Variants in RCBTB2 observed in about 807,000 individuals in gnomAD.
The protein encoded by RCBTB2 is RCC1 and BTB domain-containing protein 2.
A neutral mutation model predicts 65.4 loss-of-function variants in RCBTB2; 55 were observed. That is an observed-to-expected ratio of 0.84 (90% CI 0.68 to 1.05). The LOEUF (loss-of-function observed/expected upper bound fraction) is 1.05, where lower values mean the gene tolerates loss of function less well. Ranked by LOEUF, RCBTB2 falls within the 50% of genes least tolerant of loss-of-function variation. The probability of loss-of-function intolerance (pLI) is 0.00; values close to 1 mark genes in which losing one functional copy is unlikely to be tolerated. For synonymous variants in RCBTB2, 220 were observed against 255.2 expected, an observed-to-expected ratio of 0.86 and a Z score of 1.31; for missense variants, 599 against 680.1, an observed-to-expected ratio of 0.88 and a Z score of 1.33.
intron 10 of RCBTB2, among the ~76,000 whole-genome samples, chr13:48,509,308 C>G (rs544298130): frequency 6.4e-4 from 97 of 152,266 alleles, no homozygotes; most frequent in African/African-American, 2.2e-3. Flanking sequence ...ACCTGGAAGA[C>G]AGGGAGACTG....
upstream of RCBTB2, chr13:48,535,561 A>T (rs1036667415): frequency 4.7e-6 from 2 of 425,134 alleles, no homozygotes; most frequent in Non-Finnish European, 9.5e-6. Context: ...TGGCCCTCCT[A>T]TTCATTCTTG....
At chr13:48,534,120 C>T (rs1005227342), upstream of RCBTB2, among the ~76,000 whole-genome samples, 6 of 152,070 alleles carry the variant, frequency 3.9e-5, no homozygotes, top group Non-Finnish European at 7.3e-5. Flanking sequence ...GAAGGAGGCA[C>T]GCAAAATGGT....
chr13:48,503,119 T>G (rs1156529959), intron 10 of RCBTB2, among the ~76,000 whole-genome samples: 1 of 152,216 alleles, frequency 6.6e-6, no homozygotes, highest in Non-Finnish European at 1.5e-5. Flanking sequence ...TATTTACATT[T>G]AAGCCACACT....
chr13:48,501,749 T>C lies in RCBTB2; in HGVS notation c.1237A>G (p.Lys413Glu). 6.2e-7 allele frequency: 1 copy of C among 1,610,804 alleles called. No individual in the cohort carries two copies. The highest frequency in any genetic ancestry group is 8.5e-7 in the Non-Finnish European group (1 of 1,177,704). The change falls in exon 12 of 15, where the codon AAG (lysine) becomes GAG (glutamate). Residue 413 changes from lysine to glutamate, a missense_variant. Physicochemically the swap from Lys to Glu is moderately conservative, Grantham distance 56. Transcript: ENST00000344532. ...KYIYAHKVLL[K>E]IRCEHFRSSL... ...AAATAAATGATTCCTTACCGAATCT[T>C]GAGAAGGACTTTATGTGCATAAATG... is the stretch of plus-strand genomic sequence containing the variant.
In RCBTB2 at chr13:48,522,378, C is replaced by A; in HGVS notation, c.-94G>T. ...AAGAGCGGACATCAATTCTCAGCTC[C>A]ACAGAAGAATATATGATTTGCTAAG... On this transcript the variant is annotated 5_prime_UTR_variant, in exon 3 of 15. Transcript: ENST00000344532. 1 of 1,485,354 alleles carries A rather than the reference C, an allele frequency of 6.7e-7. No individual in the cohort carries two copies. The highest frequency in any genetic ancestry group is 9.1e-7 in the Non-Finnish European group (1 of 1,103,594). The allele number at this position is 1,485,354 out of a possible 1,614,324, so 92.0% of individuals were successfully genotyped here. A position where few individuals can be genotyped will look rare whatever the true frequency, so the allele number is the denominator to read the frequency against.
At chr13:48,514,064 T>C (rs186206603) in intron 6 of RCBTB2, among the ~76,000 whole-genome samples, 4 of 152,370 alleles carry the variant, frequency 2.6e-5, no homozygotes, top group Admixed American at 2.0e-4. Context: ...CCATAAATCT[T>C]AACAACCTCA....
At chr13:48,532,479 C>T (rs1952195092) in intron 1 of RCBTB2, 1 of 153,034 alleles carries the variant, frequency 6.5e-6, no homozygotes, top group Admixed American at 6.5e-5. Context: ...GTCGAGGCCA[C>T]AGAAATGAAA....
At chr13:48,515,137 C>A in intron 6 of RCBTB2, 68 bp downstream of exon 6, 1 of 1,429,844 alleles carries the variant, frequency 7.0e-7, no homozygotes, top group South Asian at 1.3e-5. Context: ...AACTCTCAAC[C>A]AATTAAACAA....
rs1006135238 is a variant in RCBTB2 at position 48,521,819 on chromosome 13, C to T, written c.42+79G>A. On this transcript the variant is annotated intron_variant, in intron 4 of 14. Transcript: ENST00000344532. ...GATAGTATCTCATTGATTTTCCTAT[C>T]GGTGACCAATAGGTGCTTCATGAAG... 1.2e-5 allele frequency: 15 copies of T among 1,289,630 alleles called. No individual in the cohort carries two copies. In the Middle Eastern group the frequency reaches 7.4e-4, roughly 64 times the overall value. 79.9% of individuals were successfully genotyped at this position (1,289,630 alleles called of 1,614,324 possible). A position where few individuals can be genotyped will look rare whatever the true frequency, so the allele number is the denominator to read the frequency against.
intron 14 of RCBTB2, among the ~76,000 whole-genome samples, chr13:48,493,315 A>ACTCTCTCTCT (rs3085593): frequency 0.013 from 972 of 74,896 alleles, 13 homozygotes; most frequent in East Asian, 0.033. Context: ...ACACACACAC[A>ACTCTCTCTCT]CTCTCTCTCT....
intron 7 of RCBTB2, 64 bp from the exon 8 acceptor site, chr13:48,512,238 G>T: frequency 7.1e-7 from 1 of 1,417,282 alleles, no homozygotes; most frequent in Non-Finnish European, 9.8e-7. Flanking sequence ...ACTGGACACT[G>T]ACATGTACTT....
intron 6 of RCBTB2, among the ~76,000 whole-genome samples, chr13:48,514,732 T>C (rs934664337): frequency 4.6e-5 from 7 of 152,308 alleles, no homozygotes; most frequent in African/African-American, 1.7e-4. Flanking sequence ...AGAAGTTTTA[T>C]TTATTTTCTT....
chr13:48,499,780 T>C lies in RCBTB2; in HGVS notation c.1245-20A>G. 1 of 1,613,888 alleles carries C rather than the reference T, an allele frequency of 6.2e-7. No homozygotes were observed. The highest frequency in any genetic ancestry group is 8.5e-7 in the Non-Finnish European group (1 of 1,179,814). On this transcript the variant is annotated intron_variant, in intron 12 of 14. Coordinates refer to ENST00000344532, the MANE Select transcript of RCBTB2 (RefSeq NM_001268.4). ...TCACATCTGAAGGAAAAAAGCAGTA[T>C]GTCAGGTCCTAGCTTCCCAGCCAGG... is the stretch of plus-strand genomic sequence containing the variant.
intron 10 of RCBTB2, among the ~76,000 whole-genome samples, chr13:48,505,189 T>A (rs550188153): frequency 2.6e-5 from 4 of 152,282 alleles, no homozygotes; most frequent in African/African-American, 9.6e-5. Flanking sequence ...GGAGCCTTGG[T>A]TTCATCACAT....
At chr13:48,521,136 A>G (rs1566320656) in intron 4 of RCBTB2, among the ~76,000 whole-genome samples, 1 of 152,148 alleles carries the variant, frequency 6.6e-6, no homozygotes, top group Non-Finnish European at 1.5e-5. Context: ...AGGACTCTCG[A>G]GTTCTATACA....
chr13:48,498,730 CA>C (rs548197482), intron 13 of RCBTB2, among the ~76,000 whole-genome samples: 2,890 of 143,926 alleles, frequency 0.02, 84 homozygotes, highest in African/African-American at 0.067. Context: ...AACTCTGTCT[CA>C]AAAAAAAAAA....
At chr13:48,495,922 G>A (rs969241232) in intron 14 of RCBTB2, among the ~76,000 whole-genome samples, 3 of 152,000 alleles carry the variant, frequency 2.0e-5, no homozygotes, top group Non-Finnish European at 4.4e-5. Context: ...TCATTACTTT[G>A]TAAGTTTCTC....
intron 12 of RCBTB2, among the ~76,000 whole-genome samples, chr13:48,500,785 G>A (rs370708257): frequency 7.3e-4 from 111 of 152,234 alleles, no homozygotes; most frequent in African/African-American, 2.6e-3. Flanking sequence ...ACTTTATGTT[G>A]CTTAAGCCAC....
chr13:48,519,886 T>C (rs1951324220), intron 4 of RCBTB2, among the ~76,000 whole-genome samples: 1 of 152,146 alleles, frequency 6.6e-6, no homozygotes, highest in African/African-American at 2.4e-5. Flanking sequence ...TTGAAGTACA[T>C]ATTTAATACA....
Sources: allele counts gnomAD v4.1 joint callset (sites outside exome capture counted in the v4.1 genomes callset), GRCh38; gene constraint gnomAD v4.1.1; transcripts MANE v1.5; gene names NCBI Gene and HGNC (gene_info 2026-07-23, HGNC 2026-07-21).